The following LARS1 variants were observed in gnomAD, a reference collection of about 807,000 sequenced individuals.
The protein encoded by LARS1 is leucine--tRNA ligase, cytoplasmic.
In LARS1, 100 loss-of-function variants were observed where a neutral mutation model predicts 162.8. The ratio of observed to expected loss-of-function variants is 0.61; its 90% CI spans 0.52 to 0.73. The LOEUF is 0.73. Among genes scored for constraint, LARS1 ranks in the 30% least tolerant of loss-of-function variants. The pLI, the probability that LARS1 is intolerant of heterozygous loss-of-function variation, is 0.00. For synonymous variants in LARS1, 457 were observed against 462.8 expected (o/e 0.99, Z 0.16); for missense variants, 1,258 against 1,408.9 (o/e 0.89, Z 1.71).
intron 23 of LARS1, chr5:146,131,380 G>A (rs1018038769): frequency 3.9e-5 from 9 of 231,230 alleles, no homozygotes; most frequent in Admixed American, 5.7e-5. Context: ...TAGGGCTCCT[G>A]TTTATGACAA....
In LARS1 at chr5:146,113,088, G is replaced by C. The variant is rs1764046343; in HGVS notation, c.*1018C>G. The C allele has an allele frequency of 7.1e-6, 1 of 141,836 alleles. No homozygotes were observed. The highest frequency in any genetic ancestry group is 2.4e-5 in the African/African-American group (1 of 41,178). 8.8% of individuals were successfully genotyped at this position (141,836 alleles called of 1,614,324 possible). On this transcript the variant is annotated 3_prime_UTR_variant, in exon 32 of 32. Coordinates refer to ENST00000394434, the MANE Select transcript of LARS1 (RefSeq NM_020117.11). The stretch of plus-strand genomic sequence containing the variant: ...ATTGATTGATGGATTGATTGAGACA[G>C]AGTTTCACTCTTGTTGCCTAAGCTG...
At position 146,140,243 on chromosome 5, in the gene LARS1, A is replaced by C. The variant is rs1260841477; in HGVS notation, c.2109T>G (p.Ala703=). 1 of 1,611,370 alleles carries C rather than the reference A, an allele frequency of 6.2e-7. No individual in the cohort carries two copies. Among genetic ancestry groups the C allele is most frequent in the African/African-American group, 1.3e-5 (1 of 74,926 alleles). ...GGAGGAGATGTCCATTTGCTCTCACAGCTGTAGGCCATTTGTCACTTCACA... is the reference window on the plus strand; with the variant it reads ...GGAGGAGATGTCCATTTGCTCTCACCGCTGTAGGCCATTTGTCACTTCACA... ...WPEQSDKWPT[A]VRANGHLLLN... The change falls in exon 21 of 32, where the codon GCT becomes GCG. Residue 703 remains alanine, a synonymous_variant. Coordinates refer to ENST00000394434, the MANE Select transcript of LARS1 (RefSeq NM_020117.11).
chr5:146,120,850 T>C lies in LARS1; in HGVS notation c.3193-347A>G, dbSNP rs1751790990. On this transcript the variant is annotated intron_variant, in intron 30 of 31. Transcript: ENST00000394434. ...GTTCTATATCCCTGAAGTAGTTCTTTTGTACCCTTTTTCACAAAAGAGAAG... is the reference window on the plus strand; with the variant it reads ...GTTCTATATCCCTGAAGTAGTTCTTCTGTACCCTTTTTCACAAAAGAGAAG... Among the ~76,000 whole-genome samples, 3 of 152,164 alleles carry C rather than the reference T, an allele frequency of 2.0e-5. No homozygotes were observed. The South Asian group carries it at 6.2e-4, about 32-fold the overall frequency.
chr5:146,153,101 G>T, intron 13 of LARS1, 73 bp downstream of exon 13: 1 of 1,214,258 alleles, frequency 8.2e-7, no homozygotes, highest in Non-Finnish European at 1.2e-6. Context: ...TTGTTATAAG[G>T]AAAACATGTT....
Position 146,182,611 on chromosome 5 carries a change from A to G in LARS1, c.-118T>C. 5 of 1,320,122 alleles carry G rather than the reference A, an allele frequency of 3.8e-6. No homozygotes were observed. The highest frequency in any genetic ancestry group is 5.5e-6 in the Non-Finnish European group (5 of 915,036). The allele number at this position is 1,320,122 out of a possible 1,614,324, so 81.8% of individuals were successfully genotyped here. On this transcript the variant is annotated 5_prime_UTR_variant, in exon 1 of 32. Coordinates refer to ENST00000394434, the MANE Select transcript of LARS1 (RefSeq NM_020117.11). ...CAGGCCTCCCACGAAACTAAAGCAC[A>G]CGCTTCACACCTGCTGAGGCAATCA...
At position 146,122,271 on chromosome 5, in the gene LARS1, T is replaced by C. The variant is rs375594534; in HGVS notation, c.3192+221A>G. 7.9e-5 allele frequency among the ~76,000 whole-genome samples: 12 copies of C among 152,166 alleles called. No homozygotes were observed. In the South Asian group the frequency reaches 2.3e-3, roughly 29 times the overall value. ...AAATAACATCTGATAGTTCCTATAA[T>C]AGTAAACTGAGGAAAAGGTAAGTAT... On this transcript the variant is annotated intron_variant, in intron 30 of 31. Transcript: ENST00000394434.
In LARS1 at chr5:146,182,636, A is replaced by G; in HGVS notation, c.-143T>C. The G allele has an allele frequency of 8.8e-7, 1 of 1,135,244 alleles. No individual in the cohort carries two copies. The allele number at this position is 1,135,244 out of a possible 1,614,324, so 70.3% of individuals were successfully genotyped here. On this transcript the variant is annotated 5_prime_UTR_variant, in exon 1 of 32. The change abolishes an upstream ATG in the 5' untranslated region. Coordinates refer to ENST00000394434, the MANE Select transcript of LARS1 (RefSeq NM_020117.11). ...ACGCTTCACACCTGCTGAGGCAATC[A>G]TCCGGCTCCTTACTAACTACAGCCA...
chr5:146,159,079 G>A, intron 8 of LARS1, among the ~76,000 whole-genome samples: 1 of 150,696 alleles, frequency 6.6e-6, no homozygotes. Context: ...CTGGGCTAAA[G>A]AGCAAGACTC....
chr5:146,147,002 G>A (rs1484918800), intron 15 of LARS1, among the ~76,000 whole-genome samples: 4 of 151,956 alleles, frequency 2.6e-5, no homozygotes, highest in Non-Finnish European at 4.4e-5. Flanking sequence ...ATGAGCCACT[G>A]TGCCTGGCCA....
Position 146,157,583 on chromosome 5 carries a change from T to C in LARS1, c.885A>G (p.Arg295=), listed in dbSNP as rs202185992. ...KNIFLVAATL[R]PETMFGQTNC... The stretch of plus-strand genomic sequence containing the variant: ...TTGTCTGCCCAAACATGGTCTCAGG[T>C]CTGAGAGTAGCAGCCACCAAGAAAA... The change falls in exon 10 of 32, where the codon AGA becomes AGG. Residue 295 remains arginine, a synonymous_variant. Transcript: ENST00000394434. 1 of 1,614,010 alleles carries C rather than the reference T, an allele frequency of 6.2e-7. No homozygotes were observed. Among genetic ancestry groups the C allele is most frequent in the African/African-American group, 1.3e-5 (1 of 74,980 alleles).
At chr5:146,173,274 A>G (rs1754358509) in intron 2 of LARS1, among the ~76,000 whole-genome samples, 1 of 151,710 alleles carries the variant, frequency 6.6e-6, no homozygotes, top group Non-Finnish European at 1.5e-5. Context: ...TGATCATTGA[A>G]CCTGAGAGGC....
chr5:146,168,387 G>C, intron 4 of LARS1, 122 bp from the exon 5 acceptor site: 1 of 982,716 alleles, frequency 1.0e-6, no homozygotes, highest in Non-Finnish European at 1.5e-6. Flanking sequence ...TGATACCTAT[G>C]TGGCTCCACT....
chr5:146,135,758 T>C, intron 21 of LARS1, 94 bp from the exon 22 acceptor site: 1 of 812,918 alleles, frequency 1.2e-6, no homozygotes. Flanking sequence ...CATGACCAGA[T>C]AAAAACAAAA....
At chr5:146,130,344 C>T in intron 24 of LARS1, 186 bp from the exon 25 acceptor site, 1 of 608,970 alleles carries the variant, frequency 1.6e-6, no homozygotes, top group Non-Finnish European at 2.8e-6. Context: ...AAGTATATGG[C>T]AGTTTTATAC....
In LARS1 at chr5:146,135,680, A is replaced by G. The variant is rs371035009; in HGVS notation, c.2149-16T>C. ...ATTTTGACATCTGAAATAGAGAGTC[A>G]GTGATCAATCATTAATAACAGTAAT... is the stretch of plus-strand genomic sequence containing the variant. On this transcript the variant is annotated splice_polypyrimidine_tract_variant and intron_variant, in intron 21 of 31. Coordinates refer to ENST00000394434, the MANE Select transcript of LARS1 (RefSeq NM_020117.11). The G allele has an allele frequency of 1.3e-4, 205 of 1,575,142 alleles. 1 individual carries two copies. The highest frequency in any genetic ancestry group is 1.7e-4 in the Non-Finnish European group (202 of 1,159,936).
At chr5:146,141,158 G>A (rs529462347) in intron 20 of LARS1, among the ~76,000 whole-genome samples, 2 of 152,192 alleles carry the variant, frequency 1.3e-5, no homozygotes, top group Admixed American at 6.5e-5. Flanking sequence ...AGATCATATG[G>A]GGGGTTGAGA....
At chr5:146,122,979 T>C (rs1219598379) in intron 29 of LARS1, among the ~76,000 whole-genome samples, 1 of 151,970 alleles carries the variant, frequency 6.6e-6, no homozygotes, top group Non-Finnish European at 1.5e-5. Flanking sequence ...GCACAGTGCA[T>C]ATGTCTGAAT....
intron 2 of LARS1, among the ~76,000 whole-genome samples, chr5:146,176,405 T>C (rs1260200005): frequency 2.2e-5 from 3 of 135,058 alleles, no homozygotes; most frequent in Non-Finnish European, 4.6e-5. Flanking sequence ...TGAGCCGAGA[T>C]GGCGCCACTG....
In LARS1 at chr5:146,126,511, A is replaced by G. The variant is rs377245038; in HGVS notation, c.2915T>C (p.Ile972Thr). The stretch of plus-strand genomic sequence containing the variant: ...TGGCATACTGCCTAGTTCACTAGCA[A>G]TGACTTTGTTGTCAGGCAGTTTTCC... ...NNGKLPDNKVIASELGSMPEL... is the reference protein window; with the variant it reads ...NNGKLPDNKVTASELGSMPEL... The change falls in exon 28 of 32, where the codon ATT (isoleucine) becomes ACT (threonine). Residue 972 changes from isoleucine to threonine, a missense_variant. Coordinates refer to ENST00000394434, the MANE Select transcript of LARS1 (RefSeq NM_020117.11). 8.4e-5 allele frequency: 135 copies of G among 1,612,236 alleles called. No individual in the cohort carries two copies. Among genetic ancestry groups the G allele is most frequent in the Non-Finnish European group, 1.1e-4 (130 of 1,178,820 alleles).
Sources: allele counts gnomAD v4.1 joint callset (sites outside exome capture counted in the v4.1 genomes callset), GRCh38; gene constraint gnomAD v4.1.1; transcripts MANE v1.5; gene names NCBI Gene and HGNC (gene_info 2026-07-23, HGNC 2026-07-21).